SLC25A51: variants seen among roughly 807,000 people sequenced by gnomAD.
SLC25A51 encodes the protein solute carrier family 25 member 51, also known as mitochondrial nicotinamide adenine dinucleotide transporter SLC25A51.
Under a neutral mutation model 19.1 loss-of-function variants are expected in SLC25A51, and 11 were observed. The observed-to-expected ratio is 0.58, with a 90% confidence interval of 0.36 to 0.96. The LOEUF (loss-of-function observed/expected upper bound fraction) is 0.96. Among genes scored for constraint, SLC25A51 ranks in the 40% least tolerant of loss-of-function variants. SLC25A51 has a pLI of 0.01. For synonymous variants in SLC25A51, 105 were observed against 133.6 expected, an observed-to-expected ratio of 0.79 and a Z score of 1.47; for missense variants, 201 against 365.4, an observed-to-expected ratio of 0.55 and a Z score of 3.67.
chr9:37,897,062 TC>T (rs1831732108), intron 2 of SLC25A51, among the ~76,000 whole-genome samples: 1 of 152,216 alleles, frequency 6.6e-6, no homozygotes, highest in South Asian at 2.1e-4. Context: ...ATACTGATCA[TC>T]TTTTCAAAAT....
At position 37,888,519 on chromosome 9, in the gene SLC25A51, G is replaced by A. The variant is rs778607833; in HGVS notation, c.32C>T (p.Pro11Leu). 2.5e-6 allele frequency: 4 copies of A among 1,611,114 alleles called. No homozygotes were observed. Among genetic ancestry groups the A allele is most frequent in the Non-Finnish European group, 3.4e-6 (4 of 1,178,524 alleles). The change falls in exon 3 of 3, where the codon CCA becomes CTA. Residue 11 changes from proline to leucine, a missense_variant. By Grantham distance (98) the Pro-to-Leu change is moderately conservative. Coordinates refer to ENST00000242275, the MANE Select transcript of SLC25A51 (RefSeq NM_033412.4). ...TTGTTTTGAAGATGTTAGTATTGGT[G>A]GCCTCTTTTCATGAGCTTCTGAATC... MMDSEAHEKRPPILTSSKQDI... is the reference protein window; with the variant it reads MMDSEAHEKRLPILTSSKQDI...
intron 2 of SLC25A51, among the ~76,000 whole-genome samples, chr9:37,894,804 T>G (rs1180577448): frequency 6.6e-6 from 1 of 152,152 alleles, no homozygotes; most frequent in African/African-American, 2.4e-5. Context: ...CCAGTGTGTG[T>G]TGTTCCTCTC....
chr9:37,890,975 T>C (rs1434299321), intron 2 of SLC25A51, among the ~76,000 whole-genome samples: 1 of 152,176 alleles, frequency 6.6e-6, no homozygotes, highest in East Asian at 1.9e-4. Flanking sequence ...GGTGAACTGC[T>C]CAACACTCAG....
intron 2 of SLC25A51, among the ~76,000 whole-genome samples, chr9:37,898,985 C>CATTAGTAGGTTCCTACAT (rs1317215577): frequency 8.5e-5 from 13 of 152,060 alleles, no homozygotes; most frequent in African/African-American, 2.9e-4. Flanking sequence ...CTGGAACCTA[C>CATTAGTAGGTTCCTACAT]TAATTACCTA....
chr9:37,887,666 C>G lies in SLC25A51; in HGVS notation c.885G>C (p.Lys295Asn). The G allele has an allele frequency of 6.2e-7, 1 of 1,607,756 alleles. No individual in the cohort carries two copies. Among genetic ancestry groups the G allele is most frequent in the Non-Finnish European group, 8.5e-7 (1 of 1,177,516 alleles). Residue 295 changes from lysine (K) to asparagine (N), a missense_variant, in exon 3 of 3, where the codon AAG becomes AAC. Lys to Asn is a moderately conservative substitution (Grantham distance 94). Coordinates refer to ENST00000242275, the MANE Select transcript of SLC25A51 (RefSeq NM_033412.4). ...IINATYEFLLKVI is the reference protein window; with the variant it reads ...IINATYEFLLNVI Reference sequence around the variant, plus strand: ...TTAACTGATGGTTTTTTCATATAACCTTTAACAAGAACTCATAAGTTGCAT... The same window carrying G: ...TTAACTGATGGTTTTTTCATATAACGTTTAACAAGAACTCATAAGTTGCAT...
At chr9:37,891,697 T>C (rs1831590497) in intron 2 of SLC25A51, among the ~76,000 whole-genome samples, 1 of 152,236 alleles carries the variant, frequency 6.6e-6, no homozygotes, top group Admixed American at 6.5e-5. Context: ...TAATCGCAAG[T>C]TCCCAGCGAC....
Position 37,888,496 on chromosome 9 carries a change from G to C in SLC25A51, c.55C>G (p.Gln19Glu), listed in dbSNP as rs1436661707. The change falls in exon 3 of 3, where the codon CAA becomes GAA. Residue 19 changes from glutamine (Q) to glutamate (E), a missense_variant. Transcript: ENST00000242275. ...TTTGTAATATGAGGTGATATATCTT[G>C]TTTTGAAGATGTTAGTATTGGTGGC... ...KRPPILTSSK[Q>E]DISPHITNVG... 2 of 1,614,116 alleles carry C rather than the reference G, an allele frequency of 1.2e-6. No homozygotes were observed. Among genetic ancestry groups the C allele is most frequent in the East Asian group, 4.5e-5 (2 of 44,894 alleles).
Position 37,887,723 on chromosome 9 carries a change from G to A in SLC25A51, c.828C>T (p.Tyr276=), listed in dbSNP as rs760521610. 4.3e-6 allele frequency: 7 copies of A among 1,613,866 alleles called. No individual in the cohort carries two copies. The highest frequency in any genetic ancestry group is 3.3e-5 in the Admixed American group (2 of 59,974). ...TGCCCCAAGAGATGAGGGACCGATG[G>A]TAATTCAGATGGGCACCTCTGAAAA... ...INLFRGAHLN[Y]HRSLISWGII... The change falls in exon 3 of 3, where the codon TAC becomes TAT. Residue 276 remains tyrosine, a synonymous_variant. Coordinates refer to ENST00000242275, the MANE Select transcript of SLC25A51 (RefSeq NM_033412.4).
chr9:37,890,660 C>T (rs1373146395), intron 2 of SLC25A51, among the ~76,000 whole-genome samples: 2 of 151,628 alleles, frequency 1.3e-5, no homozygotes, highest in Non-Finnish European at 2.9e-5. Context: ...CATGTCACTG[C>T]GTTCCAGCCT....
intron 2 of SLC25A51, chr9:37,881,651 A>C (rs1009970772): frequency 5.3e-5 from 8 of 152,144 alleles, no homozygotes; most frequent in African/African-American, 1.9e-4. Context: ...AAACAAACAA[A>C]AAGCTTTGCA....
At chr9:37,895,887 C>T (rs1037574092) in intron 2 of SLC25A51, among the ~76,000 whole-genome samples, 12 of 151,240 alleles carry the variant, frequency 7.9e-5, no homozygotes, top group African/African-American at 2.7e-4. Context: ...GATCTCGGCT[C>T]ACTGCAACCT....
intron 2 of SLC25A51, among the ~76,000 whole-genome samples, chr9:37,890,256 T>C (rs1010974889): frequency 6.6e-6 from 1 of 152,102 alleles, no homozygotes; most frequent in African/African-American, 2.4e-5. Context: ...TGGTAGCACA[T>C]GCCTGTAGCC....
chr9:37,890,210 C>T (rs1033483735), intron 2 of SLC25A51, among the ~76,000 whole-genome samples: 2 of 151,874 alleles, frequency 1.3e-5, no homozygotes, highest in South Asian at 2.1e-4. Flanking sequence ...ATAGAGAGAT[C>T]CCATGCCTAT....
At position 37,882,571 on chromosome 9, in the gene SLC25A51, C is replaced by A. The variant is rs569018257; in HGVS notation, n.409-940G>T. Among the ~76,000 whole-genome samples, 4 of 152,310 alleles carry A rather than the reference C, an allele frequency of 2.6e-5. No individual in the cohort carries two copies. In the South Asian group the frequency reaches 8.3e-4, roughly 32 times the overall value. The stretch of plus-strand genomic sequence containing the variant: ...TTAAGATGAATATCGACTATTTAGA[C>A]AAATACATCGATTTTGTCCCCAACC... On this transcript the variant is annotated intron_variant and non_coding_transcript_variant, in intron 2 of 3. Coordinates refer to the SLC25A51 transcript ENST00000496760.
intron 2 of SLC25A51, among the ~76,000 whole-genome samples, chr9:37,897,173 T>C (rs1465658416): frequency 5.9e-5 from 9 of 152,200 alleles, no homozygotes; most frequent in Admixed American, 2.0e-4. Context: ...TATTATTTCT[T>C]ACATCTATGT....
chr9:37,879,084 T>C, downstream of SLC25A51: 1 of 357,898 alleles, frequency 2.8e-6, no homozygotes, highest in Non-Finnish European at 5.6e-6. Flanking sequence ...GTGAAAAAAA[T>C]CAAGGCCTGT....
chr9:37,891,420 G>A (rs1304706150), intron 2 of SLC25A51, among the ~76,000 whole-genome samples: 1 of 152,214 alleles, frequency 6.6e-6, no homozygotes, highest in African/African-American at 2.4e-5. Flanking sequence ...TAGAAAAGGG[G>A]GAAATGTGGG....
At chr9:37,897,574 T>C (rs1237586218) in intron 2 of SLC25A51, among the ~76,000 whole-genome samples, 1 of 151,942 alleles carries the variant, frequency 6.6e-6, no homozygotes, top group Non-Finnish European at 1.5e-5. Context: ...TGTGTAATTC[T>C]TTCTTCTTAT....
Position 37,888,007 on chromosome 9 carries a change from G to A in SLC25A51, c.544C>T (p.Arg182Trp), listed in dbSNP as rs1341101846. ...AACAAGACATTGCTGAGTCCATTCCGGAAAAGAATGGGCACCAAGCCTCGA... is the reference window on the plus strand; with the variant it reads ...AACAAGACATTGCTGAGTCCATTCCAGAAAAGAATGGGCACCAAGCCTCGA... ...YYRGLVPILFRNGLSNVLFFG... is the reference protein window; with the variant it reads ...YYRGLVPILFWNGLSNVLFFG... Residue 182 changes from arginine to tryptophan, a missense_variant, in exon 3 of 3, where the codon CGG becomes TGG. Coordinates refer to ENST00000242275, the MANE Select transcript of SLC25A51 (RefSeq NM_033412.4). 5.0e-6 allele frequency: 8 copies of A among 1,612,170 alleles called. No homozygotes were observed. Among genetic ancestry groups the A allele is most frequent in the South Asian group, 1.1e-5 (1 of 90,996 alleles).
Sources: allele counts gnomAD v4.1 joint callset (sites outside exome capture counted in the v4.1 genomes callset), GRCh38; gene constraint gnomAD v4.1.1; transcripts MANE v1.5; gene names NCBI Gene and HGNC (gene_info 2026-07-23, HGNC 2026-07-21).